TMEM154: variants seen among roughly 807,000 people sequenced by gnomAD.
The protein encoded by TMEM154 is transmembrane protein 154.
A neutral mutation model predicts 24.5 loss-of-function variants in TMEM154; 27 were observed. The observed-to-expected ratio is 1.10, with a 90% CI of 0.81 to 1.52. TMEM154 has a LOEUF of 1.52. TMEM154 is among the 40% of genes most tolerant of loss of function. The probability of loss-of-function intolerance (pLI) is 0.00; values close to 1 mark genes in which losing one functional copy is unlikely to be tolerated. For missense variants in TMEM154, 228 were observed against 213.4 expected (o/e 1.07, Z -0.43); for synonymous variants, 67 against 76.8 (o/e 0.87, Z 0.67).
Position 152,622,513 on chromosome 4 carries a change from A to G in TMEM154, c.*6033T>C, listed in dbSNP as rs1366039165. The G allele has an allele frequency of 6.6e-6, 1 of 152,208 alleles. No individual in the cohort carries two copies. Among genetic ancestry groups the G allele is most frequent in the Non-Finnish European group, 1.5e-5 (1 of 68,032 alleles). The allele number at this position is 152,208 out of a possible 1,614,324, so 9.4% of individuals were successfully genotyped here. ...TATTCTAAATATTGATATTAATTAC[A>G]TAGAAATTCACATAGAAGCTATTCA... On this transcript the variant is annotated 3_prime_UTR_variant, in exon 7 of 7. Transcript: ENST00000304385.
rs573682046 is a variant in TMEM154, at chr4:152,649,379, G to A, written c.364+3159C>T. Among the ~76,000 whole-genome samples the A allele has an allele frequency of 7.2e-5, 11 of 152,342 alleles. 1 individual carries two copies. The highest frequency in any genetic ancestry group is 4.1e-4 in the South Asian group (2 of 4,824). On this transcript the variant is annotated intron_variant, in intron 3 of 6. Transcript: ENST00000304385. ...CTAGAACTACCCTGACTCCTAGCACGTGATGCTCCTTGAATCACAACTGAA... is the reference window on the plus strand; with the variant it reads ...CTAGAACTACCCTGACTCCTAGCACATGATGCTCCTTGAATCACAACTGAA...
At chr4:152,643,200 T>C (rs377482688) in intron 4 of TMEM154, 27 bp from the exon 5 acceptor site, 19 of 1,512,202 alleles carry the variant, frequency 1.3e-5, no homozygotes, top group African/African-American at 4.2e-5. Flanking sequence ...AAAGACTTGT[T>C]AGAAAGAAAT....
At chr4:152,647,195 A>G (rs936392245) in intron 3 of TMEM154, 67 of 971,338 alleles carry the variant, frequency 6.9e-5, no homozygotes, top group Non-Finnish European at 7.9e-5. Flanking sequence ...CAAGTGCAGT[A>G]AGAAACAGTA....
intron 6 of TMEM154, chr4:152,639,705 T>C (rs2149779994): frequency 6.5e-6 from 1 of 152,684 alleles, no homozygotes; most frequent in African/African-American, 2.4e-5. Flanking sequence ...CCTGAAATCC[T>C]GGGCTCAAGC....
chr4:152,661,290 C>T (rs79423196), intron 1 of TMEM154, among the ~76,000 whole-genome samples: 995 of 48,992 alleles, frequency 0.02, 9 homozygotes, highest in African/African-American at 0.072. Context: ...CTCTTTCTCT[C>T]TCTCTCTCTC....
intron 6 of TMEM154, among the ~76,000 whole-genome samples, chr4:152,640,565 G>A (rs190370061): frequency 2.6e-5 from 4 of 152,044 alleles, no homozygotes; most frequent in South Asian, 2.1e-4. Context: ...TAAGACTGTC[G>A]CCTCCATCTG....
chr4:152,658,464 G>C (rs957268200), intron 1 of TMEM154, among the ~76,000 whole-genome samples: 1 of 151,966 alleles, frequency 6.6e-6, no homozygotes, highest in Non-Finnish European at 1.5e-5. Flanking sequence ...ATGAAATAGA[G>C]ACTAAAAACA....
At chr4:152,674,666 C>T (rs1290210709) in intron 1 of TMEM154, among the ~76,000 whole-genome samples, 1 of 152,186 alleles carries the variant, frequency 6.6e-6, no homozygotes, top group East Asian at 1.9e-4. Context: ...CTCCCTTAAG[C>T]ACACCCCTGT....
chr4:152,644,523 C>CT, intron 3 of TMEM154, 81 bp from the exon 4 acceptor site: 1 of 1,390,686 alleles, frequency 7.2e-7, no homozygotes, highest in South Asian at 1.2e-5. Flanking sequence ...CTGAAGTCTC[C>CT]TTTACAAAGA....
At chr4:152,668,759 T>C (rs1728771352) in intron 1 of TMEM154, 1 of 152,286 alleles carries the variant, frequency 6.6e-6, no homozygotes, top group Non-Finnish European at 1.5e-5. Flanking sequence ...GGAGAGGATA[T>C]GCACCAGAGT....
Position 152,622,570 on chromosome 4 carries a change from A to G in TMEM154, c.*5976T>C, listed in dbSNP as rs1751859860. The G allele has an allele frequency of 6.6e-6, 1 of 152,172 alleles. No individual in the cohort carries two copies. Among genetic ancestry groups the G allele is most frequent in the Non-Finnish European group, 1.5e-5 (1 of 68,022 alleles). The allele number at this position is 152,172 out of a possible 1,614,324, so 9.4% of individuals were successfully genotyped here. On this transcript the variant is annotated 3_prime_UTR_variant, in exon 7 of 7. Transcript: ENST00000304385. ...ATATCTTATAGTGCTTTATTTTTAAATTTATAAATGTTTTTCAATCTATCA... is the reference window on the plus strand; with the variant it reads ...ATATCTTATAGTGCTTTATTTTTAAGTTTATAAATGTTTTTCAATCTATCA...
At chr4:152,639,997 T>C (rs751314392) in intron 6 of TMEM154, among the ~76,000 whole-genome samples, 2 of 151,936 alleles carry the variant, frequency 1.3e-5, no homozygotes, top group Admixed American at 6.6e-5. Flanking sequence ...AGGAAAAGGG[T>C]CCGAAGATAA....
Position 152,626,579 on chromosome 4 carries a change from A to G in TMEM154, c.*1967T>C, listed in dbSNP as rs909208758. On this transcript the variant is annotated 3_prime_UTR_variant, in exon 7 of 7. Transcript: ENST00000304385. ...CATGTCGCTGAAATTTGCTTCTTCTAGAATTTGAAATTATTTAAAATACTG... is the reference window on the plus strand; with the variant it reads ...CATGTCGCTGAAATTTGCTTCTTCTGGAATTTGAAATTATTTAAAATACTG... 5 of 152,230 alleles carry G rather than the reference A, an allele frequency of 3.3e-5. No individual in the cohort carries two copies. Among genetic ancestry groups the G allele is most frequent in the Admixed American group, 2.6e-4 (4 of 15,280 alleles). 9.4% of individuals were successfully genotyped at this position (152,230 alleles called of 1,614,324 possible). A position where few individuals can be genotyped will look rare whatever the true frequency, so the allele number is the denominator to read the frequency against.
chr4:152,650,026 G>A (rs141883233), intron 3 of TMEM154, among the ~76,000 whole-genome samples: 4 of 152,214 alleles, frequency 2.6e-5, no homozygotes, highest in East Asian at 3.9e-4. Flanking sequence ...TGAGCCTTCC[G>A]CAAGTTGTAA....
At chr4:152,668,289 T>C (rs1728759842) in intron 1 of TMEM154, 1 of 148,014 alleles carries the variant, frequency 6.8e-6, no homozygotes, top group South Asian at 2.1e-4. Flanking sequence ...TGAAAGTGCT[T>C]TGAAATGAAA....
intron 3 of TMEM154, chr4:152,646,666 GTCC>G (rs1344497088): frequency 5.4e-6 from 2 of 371,358 alleles, no homozygotes; most frequent in East Asian, 4.9e-5. Flanking sequence ...AACCCACTTT[GTCC>G]TCCTCCTTCA....
chr4:152,679,904 G>A lies in TMEM154; in HGVS notation c.30C>T (p.Phe10=), dbSNP rs765240701. 4 of 1,611,028 alleles carry A rather than the reference G, an allele frequency of 2.5e-6. No individual in the cohort carries two copies. Among genetic ancestry groups the A allele is most frequent in the Admixed American group, 1.7e-5 (1 of 59,688 alleles). The change falls in exon 1 of 7, where the codon TTC becomes TTT. Residue 10 remains phenylalanine, a synonymous_variant. Transcript: ENST00000304385. ...CGGGAACGAGCGCGATCACCAGGGC[G>A]AAGACTAGGGCTGCGCGGGGAGCCT... The part of the protein sequence containing the change: MQAPRAALV[F]ALVIALVPVG...
chr4:152,643,667 C>T (rs1462268486), intron 4 of TMEM154, among the ~76,000 whole-genome samples: 1 of 152,210 alleles, frequency 6.6e-6, no homozygotes, highest in Non-Finnish European at 1.5e-5. Flanking sequence ...GGAGCAGTTG[C>T]TTTCAGAAAT....
At chr4:152,665,542 A>G (rs556399297) in intron 1 of TMEM154, among the ~76,000 whole-genome samples, 1 of 152,322 alleles carries the variant, frequency 6.6e-6, no homozygotes, top group African/African-American at 2.4e-5. Flanking sequence ...GGGCTGTGAC[A>G]ATCACACCTT....
Sources: allele counts gnomAD v4.1 joint callset (sites outside exome capture counted in the v4.1 genomes callset), GRCh38; gene constraint gnomAD v4.1.1; transcripts MANE v1.5; gene names NCBI Gene and HGNC (gene_info 2026-07-23, HGNC 2026-07-21).